The following WDR49 variants were observed in gnomAD, a reference collection of about 807,000 sequenced individuals.
WDR49 encodes the protein WD repeat domain 49.
A neutral mutation model predicts 119.5 loss-of-function variants in WDR49; 107 were observed. The observed-to-expected ratio is 0.90, with a 90% confidence interval of 0.77 to 1.05. The LOEUF (loss-of-function observed/expected upper bound fraction) is 1.05. Ranked by LOEUF, WDR49 falls within the 50% of genes least tolerant of loss-of-function variation. The pLI, the probability that WDR49 is intolerant of heterozygous loss-of-function variation, is 0.00. For missense variants in WDR49, 1,240 were observed against 1,220.5 expected (o/e 1.02, Z -0.24); for synonymous variants, 425 against 418.8 (o/e 1.01, Z -0.18).
At chr3:167,600,824 G>C (rs544799043) in intron 7 of WDR49, among the ~76,000 whole-genome samples, 1 of 152,330 alleles carries the variant, frequency 6.6e-6, no homozygotes, top group African/African-American at 2.4e-5. Flanking sequence ...GCAAAGCCAT[G>C]AAACTGCATG....
chr3:167,490,670 G>T (rs543733928), intron 18 of WDR49, among the ~76,000 whole-genome samples: 88 of 152,152 alleles, frequency 5.8e-4, no homozygotes, highest in African/African-American at 2.0e-3. Context: ...GTGAAACATT[G>T]TGTGTTTCAA....
chr3:167,480,685 A>G (rs978799096), intron 18 of WDR49, among the ~76,000 whole-genome samples: 1 of 152,238 alleles, frequency 6.6e-6, no homozygotes, highest in African/African-American at 2.4e-5. Context: ...CAGCTTACAA[A>G]ATATAAAGAA....
At chr3:167,637,233 C>A (rs1559927593) in intron 2 of WDR49, among the ~76,000 whole-genome samples, 1 of 151,810 alleles carries the variant, frequency 6.6e-6, no homozygotes, top group South Asian at 2.1e-4. Flanking sequence ...ATCCCAGCAC[C>A]ATTTGTTGAA....
In WDR49 at chr3:167,614,882, A is replaced by G. The variant is rs140461551; in HGVS notation, c.958+5547T>C. 4.5e-3 allele frequency among the ~76,000 whole-genome samples: 688 copies of G among 152,340 alleles called. 26 individuals carry two copies. The highest frequency in any genetic ancestry group is 0.042 in the Admixed American group (648 of 15,310). ...AATATTGAATCACGTTACTGGGGTAAAGAGAATACCAAATTAAACAGTCAT... is the reference window on the plus strand; with the variant it reads ...AATATTGAATCACGTTACTGGGGTAGAGAGAATACCAAATTAAACAGTCAT... On this transcript the variant is annotated intron_variant, in intron 5 of 18. Coordinates refer to ENST00000682715, the MANE Select transcript of WDR49 (RefSeq NM_001366157.1).
rs1348644103 is a variant in WDR49 at position 167,516,770 on chromosome 3, TGAAC to T, written c.2774+5541_2774+5544del. Among the ~76,000 whole-genome samples the T allele has an allele frequency of 7.9e-5, 12 of 151,988 alleles. 1 individual carries two copies. The highest frequency in any genetic ancestry group is 3.9e-4 in the Admixed American group (6 of 15,286). ...ACAGCAAAAGAAACTACCATCAGAG[TGAAC>T]AGGCAACCTACAGAATGGGAGAAAA... is the stretch of plus-strand genomic sequence containing the variant. On this transcript the variant is annotated intron_variant, in intron 16 of 18. Transcript: ENST00000682715.
At chr3:167,589,516 A>G (rs993326955) in intron 7 of WDR49, among the ~76,000 whole-genome samples, 5 of 152,090 alleles carry the variant, frequency 3.3e-5, no homozygotes, top group African/African-American at 4.8e-5. Flanking sequence ...AAATCTGTAT[A>G]TTGCTTTTGG....
At chr3:167,596,942 T>A (rs1261407276) in intron 7 of WDR49, among the ~76,000 whole-genome samples, 1 of 127,998 alleles carries the variant, frequency 7.8e-6, no homozygotes, top group Admixed American at 7.9e-5. Flanking sequence ...TAAAATAAAC[T>A]CAAAATGGAA....
At chr3:167,500,368 G>C in intron 17 of WDR49, 69 bp from the exon 18 acceptor site, 2 of 1,538,802 alleles carry the variant, frequency 1.3e-6, no homozygotes, top group Non-Finnish European at 1.7e-6. Context: ...TCCTTGGAAA[G>C]AGCCAGCACA....
In WDR49 at chr3:167,554,097, A is replaced by C. The variant is rs542087321; in HGVS notation, c.1823+553T>G. 2.0e-5 allele frequency among the ~76,000 whole-genome samples: 3 copies of C among 152,258 alleles called. No homozygotes were observed. The East Asian group carries it at 5.8e-4, about 29-fold the overall frequency. On this transcript the variant is annotated intron_variant, in intron 10 of 18. Coordinates refer to ENST00000682715, the MANE Select transcript of WDR49 (RefSeq NM_001366157.1). ...TTTCCTACTGCTTCTACAGTGCCACAGAACTGTTTATGATCCTTAGTTCTG... is the reference window on the plus strand; with the variant it reads ...TTTCCTACTGCTTCTACAGTGCCACCGAACTGTTTATGATCCTTAGTTCTG...
chr3:167,505,218 A>G (rs993946326), intron 17 of WDR49, 89 bp downstream of exon 17: 12 of 1,273,840 alleles, frequency 9.4e-6, no homozygotes, highest in African/African-American at 1.6e-5. Context: ...AGGAATAGGA[A>G]CATTCCTGAC....
intron 7 of WDR49, among the ~76,000 whole-genome samples, chr3:167,579,390 C>G (rs1277609831): frequency 6.6e-6 from 1 of 152,114 alleles, no homozygotes; most frequent in Non-Finnish European, 1.5e-5. Context: ...TTTATTTACC[C>G]AATTGCAGTT....
chr3:167,587,538 T>C (rs1287348080), intron 7 of WDR49, among the ~76,000 whole-genome samples: 1 of 151,862 alleles, frequency 6.6e-6, no homozygotes, highest in Non-Finnish European at 1.5e-5. Flanking sequence ...CAGGCTGGAG[T>C]GCAATGGCAT....
intron 3 of WDR49, 69 bp from the exon 4 acceptor site, chr3:167,621,712 A>G (rs916072808): frequency 2.2e-5 from 31 of 1,396,158 alleles, no homozygotes; most frequent in Non-Finnish European, 2.8e-5. Context: ...TGCAAAGCAG[A>G]CACGCCACTC....
intron 10 of WDR49, among the ~76,000 whole-genome samples, chr3:167,547,929 A>G (rs576713735): frequency 6.6e-6 from 1 of 152,192 alleles, no homozygotes; most frequent in East Asian, 1.9e-4. Context: ...TTCAACTTTG[A>G]TAATCACTTT....
chr3:167,512,063 GGAAT>G (rs1238308796), intron 16 of WDR49, among the ~76,000 whole-genome samples: 2 of 152,272 alleles, frequency 1.3e-5, no homozygotes, highest in East Asian at 3.9e-4. Context: ...CCAGACGAGT[GGAAT>G]TCCCGCCAGG....
intron 4 of WDR49, 34 bp downstream of exon 4, chr3:167,621,433 C>A: frequency 6.9e-7 from 1 of 1,448,348 alleles, no homozygotes; most frequent in Non-Finnish European, 9.1e-7. Flanking sequence ...ATGATTAAAT[C>A]CATAGTATTC....
intron 11 of WDR49, 66 bp from the exon 12 acceptor site, chr3:167,533,043 A>G (rs1752904750): frequency 8.4e-7 from 1 of 1,190,602 alleles, no homozygotes; most frequent in East Asian, 2.5e-5. Flanking sequence ...GAGCAACAGC[A>G]ATCAGAAGAA....
intron 15 of WDR49, among the ~76,000 whole-genome samples, chr3:167,527,318 T>G (rs1752671320): frequency 1.3e-5 from 2 of 152,138 alleles, no homozygotes. Context: ...TTGAAAAACA[T>G]CTTAGAACAG....
intron 2 of WDR49, among the ~76,000 whole-genome samples, chr3:167,633,047 T>C (rs1462817726): frequency 6.6e-6 from 1 of 151,904 alleles, no homozygotes; most frequent in Non-Finnish European, 1.5e-5. Flanking sequence ...AATTGAGTCA[T>C]CATGTCAGCA....
Sources: allele counts gnomAD v4.1 joint callset (sites outside exome capture counted in the v4.1 genomes callset), GRCh38; gene constraint gnomAD v4.1.1; transcripts MANE v1.5; gene names NCBI Gene and HGNC (gene_info 2026-07-23, HGNC 2026-07-21).